Variants in ABHD6 observed in about 807,000 individuals in gnomAD.
ABHD6 encodes the protein abhydrolase domain containing 6, acylglycerol lipase, also known as monoacylglycerol lipase ABHD6.
ABHD6 carries 33 observed loss-of-function variants against 38.8 expected under a neutral mutation model. The observed-to-expected ratio is 0.85, with a 90% confidence interval of 0.64 to 1.14. ABHD6 has a LOEUF of 1.14. Ranked by LOEUF, ABHD6 falls within the 50% of genes most tolerant of loss-of-function variation. ABHD6 has a pLI of 0.00. For missense variants in ABHD6, 380 were observed against 422.6 expected (o/e 0.90, Z 0.88); for synonymous variants, 147 against 161.6 (o/e 0.91, Z 0.69).
chr3:58,252,236 T>G (rs1559771815), intron 2 of ABHD6, among the ~76,000 whole-genome samples: 3 of 141,792 alleles, frequency 2.1e-5, no homozygotes, highest in Non-Finnish European at 4.6e-5. Flanking sequence ...CTTGTTTTTT[T>G]TTTTTTTTTT....
chr3:58,256,326 C>A lies in ABHD6; in HGVS notation c.-25-236C>A, dbSNP rs1374500035. On this transcript the variant is annotated intron_variant, in intron 2 of 9. Coordinates refer to ENST00000478253, the MANE Select transcript of ABHD6 (RefSeq NM_001320126.2). The surrounding 1 kb of genome is among the most constrained non-coding windows in gnomAD (Gnocchi z 4.3). The stretch of plus-strand genomic sequence containing the variant: ...CTTACTCAGATTTTCACATTTGTCC[C>A]AACTATGTCCTTTATAATGTTTTTT... Among the ~76,000 whole-genome samples the A allele has an allele frequency of 7.2e-6, 1 of 139,586 alleles. No individual in the cohort carries two copies. The highest frequency in any genetic ancestry group is 2.8e-5 in the African/African-American group (1 of 35,788). The allele number at this position is 139,586 out of a possible 152,430, so 91.6% of individuals were successfully genotyped here.
chr3:58,290,495 C>T (rs1415067429), intron 9 of ABHD6, among the ~76,000 whole-genome samples: 2 of 126,330 alleles, frequency 1.6e-5, no homozygotes, highest in African/African-American at 6.3e-5. Flanking sequence ...CCCTCCCGGA[C>T]GGGGCGGCTG....
chr3:58,243,925 G>A (rs1411582874), intron 1 of ABHD6, among the ~76,000 whole-genome samples: 1 of 152,060 alleles, frequency 6.6e-6, no homozygotes, highest in Non-Finnish European at 1.5e-5. Context: ...CCAAAGTGCT[G>A]AGATTACAGG....
At chr3:58,292,254 T>G (rs2097463797) in intron 9 of ABHD6, among the ~76,000 whole-genome samples, 2 of 152,202 alleles carry the variant, frequency 1.3e-5, no homozygotes, top group African/African-American at 4.8e-5. Flanking sequence ...GCAGAAAATC[T>G]TGGTTTTAAT....
intron 9 of ABHD6, among the ~76,000 whole-genome samples, chr3:58,291,319 A>C (rs1433252454): frequency 1.3e-5 from 2 of 151,944 alleles, no homozygotes; most frequent in African/African-American, 4.8e-5. Flanking sequence ...GTGAGCCGAG[A>C]TGGCAGCAGT....
chr3:58,258,880 C>T lies in ABHD6; in HGVS notation c.119+2175C>T, dbSNP rs1012990616. On this transcript the variant is annotated intron_variant, in intron 3 of 9. Coordinates refer to ENST00000478253, the MANE Select transcript of ABHD6 (RefSeq NM_001320126.2). ...AGTTGTGACCCCCTCCCAAGTCACC[C>T]GGGACCCACCTTCTGCACTGAGAAA... Among the ~76,000 whole-genome samples, 7 of 152,146 alleles carry T rather than the reference C, an allele frequency of 4.6e-5. No individual in the cohort carries two copies. The South Asian group carries it at 8.3e-4, about 18-fold the overall frequency.
intron 7 of ABHD6, among the ~76,000 whole-genome samples, chr3:58,278,372 T>C (rs1018494252): frequency 7.2e-5 from 11 of 152,244 alleles, no homozygotes; most frequent in African/African-American, 2.7e-4. Flanking sequence ...TTCTAGATTT[T>C]CTAGTTAATT....
intron 2 of ABHD6, among the ~76,000 whole-genome samples, chr3:58,255,218 A>G (rs1475054250): frequency 1.3e-5 from 2 of 152,250 alleles, no homozygotes; most frequent in African/African-American, 4.8e-5. Context: ...GGAAGACATC[A>G]GAAAGTACAC....
intron 1 of ABHD6, among the ~76,000 whole-genome samples, chr3:58,242,967 C>T (rs564932617): frequency 3.3e-5 from 5 of 152,084 alleles, no homozygotes; most frequent in South Asian, 4.2e-4. Flanking sequence ...TGAGACTGTG[C>T]GGTGTTTGGT....
intron 1 of ABHD6, among the ~76,000 whole-genome samples, chr3:58,243,724 G>A (rs576605314): frequency 2.9e-4 from 44 of 151,882 alleles, no homozygotes; most frequent in African/African-American, 9.9e-4. Context: ...GCAGTGGCAC[G>A]AACTTGGCTC....
intron 9 of ABHD6, among the ~76,000 whole-genome samples, chr3:58,289,533 G>C (rs908218286): frequency 1.3e-5 from 2 of 151,624 alleles, no homozygotes; most frequent in African/African-American, 4.9e-5. Flanking sequence ...ACATGTTTCA[G>C]AGAGCACAGG....
chr3:58,290,157 C>T (rs1490584534), intron 9 of ABHD6, among the ~76,000 whole-genome samples: 4 of 104,506 alleles, frequency 3.8e-5, no homozygotes, highest in East Asian at 3.4e-4. Flanking sequence ...GGCGGCTGGC[C>T]GGGCGGGGGG....
chr3:58,272,333 G>A (rs2097445682), intron 6 of ABHD6, among the ~76,000 whole-genome samples: 1 of 152,204 alleles, frequency 6.6e-6, no homozygotes, highest in Admixed American at 6.5e-5. Context: ...AAGCTGTGAT[G>A]TTTGGAAGTC....
chr3:58,271,764 C>CTTTTTTTTTTTTTT (rs1302501356), intron 6 of ABHD6, among the ~76,000 whole-genome samples: 1 of 78,112 alleles, frequency 1.3e-5, no homozygotes, highest in African/African-American at 4.7e-5. Flanking sequence ...CCCCCTCTCT[C>CTTTTTTTTTTTTTT]TGTTTTTTTT....
At chr3:58,283,449 C>T (rs952028585) in intron 7 of ABHD6, among the ~76,000 whole-genome samples, 8 of 152,214 alleles carry the variant, frequency 5.3e-5, no homozygotes, top group African/African-American at 1.7e-4. Flanking sequence ...GGGACTTTGT[C>T]TTAATTGGCT....
chr3:58,275,837 G>T (rs944840363), intron 7 of ABHD6, among the ~76,000 whole-genome samples: 1 of 151,940 alleles, frequency 6.6e-6, no homozygotes, highest in African/African-American at 2.4e-5. Context: ...TAATTGTTCA[G>T]TTCCCACCTA....
In ABHD6 at chr3:58,254,837, CAT is replaced by C. The variant is rs551515333; in HGVS notation, c.-25-1718_-25-1717del. On this transcript the variant is annotated intron_variant, in intron 2 of 9. Transcript: ENST00000478253. ...TTTATGATATATATGTGTGTATATA[CAT>C]ATATATGTGTATACACACACACACA... 3.2e-3 allele frequency among the ~76,000 whole-genome samples: 423 copies of C among 133,894 alleles called. 4 individuals carry two copies. The highest frequency in any genetic ancestry group is 0.011 in the African/African-American group (393 of 34,426). The allele number at this position is 133,894 out of a possible 152,430, so 87.8% of individuals were successfully genotyped here.
At chr3:58,274,217 C>T (rs907613929) in intron 6 of ABHD6, among the ~76,000 whole-genome samples, 3 of 152,206 alleles carry the variant, frequency 2.0e-5, no homozygotes, top group Non-Finnish European at 2.9e-5. Context: ...TTCATGCCAG[C>T]CCTATGTTTT....
chr3:58,247,154 C>T (rs1373538230), intron 1 of ABHD6, among the ~76,000 whole-genome samples: 1 of 151,896 alleles, frequency 6.6e-6, no homozygotes, highest in African/African-American at 2.4e-5. Flanking sequence ...AGGCATGCAC[C>T]ACCACGCCTG....
Sources: allele counts gnomAD v4.1 joint callset (sites outside exome capture counted in the v4.1 genomes callset), GRCh38; gene constraint gnomAD v4.1.1; non-coding constraint Gnocchi (gnomAD v3.1); transcripts MANE v1.5; gene names NCBI Gene and HGNC (gene_info 2026-07-23, HGNC 2026-07-21).